FANCB: variants seen among roughly 807,000 people sequenced by gnomAD.
FANCB encodes the protein FA complementation group B, also known as Fanconi anemia group B protein.
In FANCB, 5 loss-of-function variants were observed where a neutral mutation model predicts 38.9. The observed-to-expected ratio is 0.13, with a 90% confidence interval of 0.07 to 0.27. FANCB has a LOEUF of 0.27. Among genes scored for constraint, FANCB ranks in the 10% least tolerant of loss-of-function variants. The probability of loss-of-function intolerance (pLI) is 1.00; values close to 1 mark genes in which losing one functional copy is unlikely to be tolerated. For synonymous variants in FANCB, 236 were observed against 215.4 expected (o/e 1.10, Z -0.84); for missense variants, 573 against 602.7 (o/e 0.95, Z 0.52).
intron 3 of FANCB, among the ~76,000 whole-genome samples, chrX:14,864,116 C>T (rs1166756618): frequency 9.1e-6 from 1 of 110,486 alleles, no homozygotes; most frequent in African/African-American, 3.3e-5. Flanking sequence ...ACCTGGATGA[C>T]AAAGCGAGAC....
the FANCB span, among the ~76,000 whole-genome samples, chrX:14,778,772 C>T: frequency 8.9e-6 from 1 of 112,259 alleles, no homozygotes; most frequent in African/African-American, 3.2e-5. Context: ...GAGTTCAATC[C>T]CAGACCATTT....
chrX:14,839,946 C>T (rs755366544), downstream of FANCB, among the ~76,000 whole-genome samples: 83 of 110,548 alleles, frequency 7.5e-4, no homozygotes, highest in Non-Finnish European at 8.0e-4. Context: ...ACCGCCGCCT[C>T]CAGGGTTCAA....
the FANCB span, among the ~76,000 whole-genome samples, chrX:14,707,035 A>AC: frequency 2.1e-5 from 2 of 96,805 alleles, no homozygotes; most frequent in Non-Finnish European, 4.4e-5. Flanking sequence ...AATAAAACTT[A>AC]CAAAAATACC....
chrX:14,830,066 TTGA>T, the FANCB span, among the ~76,000 whole-genome samples: 1 of 111,422 alleles, frequency 9.0e-6, no homozygotes, highest in African/African-American at 3.3e-5. Flanking sequence ...CACTTCAATA[TTGA>T]TGTGTATCGG....
chrX:14,754,979 T>C, the FANCB span, among the ~76,000 whole-genome samples: 1 of 111,586 alleles, frequency 9.0e-6, no homozygotes, highest in Non-Finnish European at 1.9e-5. Flanking sequence ...AATAGCACAT[T>C]AAAAAGATCA....
chrX:14,719,216 T>C, the FANCB span, among the ~76,000 whole-genome samples: 1 of 111,934 alleles, frequency 8.9e-6, no homozygotes, highest in South Asian at 3.7e-4. Context: ...TATAAAAGAC[T>C]TCAATGGGTG....
chrX:14,767,389 G>T, the FANCB span, among the ~76,000 whole-genome samples: 10 of 111,857 alleles, frequency 8.9e-5, no homozygotes, highest in Non-Finnish European at 1.9e-4. Flanking sequence ...TTTCTGACTG[G>T]TGGGAGATAG....
At chrX:14,857,260 A>G (rs1270133974) in intron 5 of FANCB, among the ~76,000 whole-genome samples, 7 of 112,703 alleles carry the variant, frequency 6.2e-5, no homozygotes, top group Non-Finnish European at 1.3e-4. Flanking sequence ...ACATCTTATA[A>G]TCACATTTCT....
At chrX:14,808,345 A>G in the FANCB span, among the ~76,000 whole-genome samples, 1 of 111,913 alleles carries the variant, frequency 8.9e-6, no homozygotes. Flanking sequence ...TCAACAGTAC[A>G]TTAAAAAAAA....
At chrX:14,810,753 T>A in the FANCB span, among the ~76,000 whole-genome samples, 6 of 111,640 alleles carry the variant, frequency 5.4e-5, no homozygotes, top group Admixed American at 3.8e-4. Flanking sequence ...CAGGATATTA[T>A]CCAGGAGAAC....
the FANCB span, among the ~76,000 whole-genome samples, chrX:14,829,376 T>C: frequency 9.0e-6 from 1 of 111,471 alleles, no homozygotes; most frequent in Non-Finnish European, 1.9e-5. Flanking sequence ...TAAATAAGCA[T>C]TGTCTTTAAG....
the FANCB span, among the ~76,000 whole-genome samples, chrX:14,736,097 A>G: frequency 9.0e-6 from 1 of 111,262 alleles, no homozygotes; most frequent in African/African-American, 3.3e-5. Flanking sequence ...ACCAAGCTCG[A>G]GCATCCCAGG....
the FANCB span, among the ~76,000 whole-genome samples, chrX:14,743,138 CCAT>C: frequency 8.9e-6 from 1 of 111,993 alleles, no homozygotes; most frequent in African/African-American, 3.2e-5. Context: ...ACCACCACCA[CCAT>C]GATCATAACC....
At chrX:14,834,467 T>C (rs1827005749), downstream of FANCB, 1 of 487,938 alleles carries the variant, frequency 2.0e-6, no homozygotes. Flanking sequence ...TTTAAACTAT[T>C]TTCTTAAAGA....
chrX:14,827,626 G>A, the FANCB span, among the ~76,000 whole-genome samples: 11 of 111,989 alleles, frequency 9.8e-5, no homozygotes, highest in East Asian at 2.0e-3. Context: ...GGTAAAGAAC[G>A]AAGGCTGCTC....
chrX:14,708,319 G>A, the FANCB span, among the ~76,000 whole-genome samples: 2 of 111,506 alleles, frequency 1.8e-5, no homozygotes, highest in African/African-American at 6.5e-5. Context: ...ATCAGGCCAG[G>A]TAAACAAATT....
chrX:14,746,991 T>C, the FANCB span, among the ~76,000 whole-genome samples: 1 of 111,838 alleles, frequency 8.9e-6, no homozygotes, highest in Non-Finnish European at 1.9e-5. Context: ...ACTCAGTGGT[T>C]TCTTTACATG....
the FANCB span, among the ~76,000 whole-genome samples, chrX:14,696,382 C>T: frequency 9.0e-6 from 1 of 111,007 alleles, no homozygotes; most frequent in South Asian, 3.8e-4. Flanking sequence ...TAAGATTTCA[C>T]AGGAAGTAAA....
At chrX:14,859,637 C>T (rs1030735339) in intron 3 of FANCB, among the ~76,000 whole-genome samples, 1 of 111,915 alleles carries the variant, frequency 8.9e-6, no homozygotes, top group African/African-American at 3.2e-5. Context: ...TAAGTTCTAA[C>T]ACTTTTCATG....
Sources: allele counts gnomAD v4.1 joint callset (sites outside exome capture counted in the v4.1 genomes callset), GRCh38; gene constraint gnomAD v4.1.1; transcripts MANE v1.5; gene names NCBI Gene and HGNC (gene_info 2026-07-23, HGNC 2026-07-21).